The following PARVA variants were observed in gnomAD, a reference collection of about 807,000 sequenced individuals.
PARVA encodes parvin alpha.
PARVA carries 25 observed loss-of-function variants against 52.6 expected under a neutral mutation model. That is an observed-to-expected ratio of 0.48 (90% CI 0.35 to 0.66). The LOEUF is 0.66. Ranked by LOEUF, PARVA falls within the 30% of genes least tolerant of loss-of-function variation. The probability of loss-of-function intolerance (pLI) is 0.01; values close to 1 mark genes in which losing one functional copy is unlikely to be tolerated. For synonymous variants in PARVA, 185 were observed against 179.1 expected, an observed-to-expected ratio of 1.03 and a Z score of -0.26; for missense variants, 373 against 450.9, an observed-to-expected ratio of 0.83 and a Z score of 1.56.
intron 12 of PARVA, among the ~76,000 whole-genome samples, chr11:12,524,745 G>A (rs10831841): frequency 0.32 from 48,084 of 151,926 alleles, 7,685 homozygotes; most frequent in South Asian, 0.41. Flanking sequence ...CTTCCAAGAC[G>A]GTGGGCAACC....
At position 12,531,735 on chromosome 11, in the gene PARVA, G is replaced by A. The variant is rs542130283; in HGVS notation, c.*3810G>A. On this transcript the variant is annotated 3_prime_UTR_variant, in exon 13 of 13. Coordinates refer to ENST00000334956, the MANE Select transcript of PARVA (RefSeq NM_018222.5). The stretch of plus-strand genomic sequence containing the variant: ...TGAAATCTTCACTAATTCCAAGATT[G>A]CGTGTCATTTCCCCCAAAAATTTGC... Among the ~76,000 whole-genome samples, 2 of 151,370 alleles carry A rather than the reference G, an allele frequency of 1.3e-5. No homozygotes were observed. Among genetic ancestry groups the A allele is most frequent in the East Asian group, 3.9e-4 (2 of 5,190 alleles).
chr11:12,387,554 CGTGTGT>C (rs10642760), intron 1 of PARVA, among the ~76,000 whole-genome samples: 4 of 149,224 alleles, frequency 2.7e-5, no homozygotes, highest in Non-Finnish European at 6.0e-5. Context: ...TATTTTTGAG[CGTGTGT>C]GTGTGTGTGT....
At chr11:12,456,986 T>C (rs562509989) in intron 1 of PARVA, among the ~76,000 whole-genome samples, 2 of 152,284 alleles carry the variant, frequency 1.3e-5, no homozygotes, top group South Asian at 4.2e-4. Flanking sequence ...TTTGAAATGG[T>C]TTTTATAGTT....
At chr11:12,459,949 C>T (rs1940754291) in intron 1 of PARVA, among the ~76,000 whole-genome samples, 1 of 152,166 alleles carries the variant, frequency 6.6e-6, no homozygotes, top group African/African-American at 2.4e-5. Flanking sequence ...TTTAATCTGT[C>T]CTTGCAGGGG....
intron 1 of PARVA, among the ~76,000 whole-genome samples, chr11:12,442,449 T>C (rs777311741): frequency 2.6e-5 from 4 of 152,154 alleles, no homozygotes; most frequent in African/African-American, 4.8e-5. Context: ...AGAAAAGGTA[T>C]GTGGAGCCCA....
intron 1 of PARVA, among the ~76,000 whole-genome samples, chr11:12,471,950 A>G (rs1940941328): frequency 1.3e-5 from 2 of 152,354 alleles, no homozygotes; most frequent in South Asian, 4.1e-4. Flanking sequence ...TTGCGTAGCA[A>G]TGCTTGTTAA....
At chr11:12,512,894 C>A (rs1941520371) in intron 8 of PARVA, among the ~76,000 whole-genome samples, 1 of 152,184 alleles carries the variant, frequency 6.6e-6, no homozygotes, top group African/African-American at 2.4e-5. Context: ...TGTCATGGGT[C>A]TCCTGTTTTT....
intron 10 of PARVA, among the ~76,000 whole-genome samples, chr11:12,515,363 CTG>C (rs1425439244): frequency 6.6e-6 from 1 of 152,070 alleles, no homozygotes; most frequent in Non-Finnish European, 1.5e-5. Context: ...TGTGTCTAGA[CTG>C]TGTGAAATGA....
chr11:12,459,856 G>A (rs1282834979), intron 1 of PARVA, among the ~76,000 whole-genome samples: 3 of 152,100 alleles, frequency 2.0e-5, no homozygotes, highest in Non-Finnish European at 4.4e-5. Flanking sequence ...TTATCTTAAA[G>A]AGCATGTTTT....
Position 12,504,464 on chromosome 11 carries a change from T to C in PARVA, c.657+35T>C, listed in dbSNP as rs769856232. The C allele has an allele frequency of 4.3e-5, 59 of 1,365,210 alleles. 1 individual carries two copies. In the East Asian group the frequency reaches 1.4e-3, roughly 31 times the overall value. 84.6% of individuals were successfully genotyped at this position (1,365,210 alleles called of 1,614,324 possible). A position where few individuals can be genotyped will look rare whatever the true frequency, so the allele number is the denominator to read the frequency against. On this transcript the variant is annotated intron_variant, in intron 6 of 12. Transcript: ENST00000334956. The stretch of plus-strand genomic sequence containing the variant: ...GTAACACTACAAACATCTGTGTCTT[T>C]AAAGAGTCGTGGAGGTCGAGTTCCT...
intron 5 of PARVA, among the ~76,000 whole-genome samples, chr11:12,499,842 A>C (rs1941344634): frequency 6.6e-6 from 1 of 152,210 alleles, no homozygotes. Flanking sequence ...TTTAGCAAAA[A>C]TGAGATCAAC....
intron 1 of PARVA, among the ~76,000 whole-genome samples, chr11:12,406,737 C>A (rs997353254): frequency 7.8e-6 from 1 of 127,946 alleles, no homozygotes; most frequent in Non-Finnish European, 1.6e-5. Context: ...GTGGCGCAAT[C>A]TCGGCTCACT....
chr11:12,429,106 AAGTAGCTGGGAC>A lies in PARVA; in HGVS notation c.137-44638_137-44627del, dbSNP rs1468069667. 2.0e-5 allele frequency among the ~76,000 whole-genome samples: 3 copies of A among 152,012 alleles called. No homozygotes were observed. The East Asian group carries it at 5.8e-4, about 29-fold the overall frequency. On this transcript the variant is annotated intron_variant, in intron 1 of 12. Transcript: ENST00000334956. ...GATCCTCCTGCCCCAGCTTCTTCCC[AAGTAGCTGGGAC>A]CACAGGTGCACATCACCATGCCCAG...
intron 1 of PARVA, among the ~76,000 whole-genome samples, chr11:12,410,361 C>T (rs1939976408): frequency 6.6e-6 from 1 of 152,246 alleles, no homozygotes; most frequent in Admixed American, 6.5e-5. Context: ...CCAAGGTCTG[C>T]CTTTCCCCCC....
intron 3 of PARVA, among the ~76,000 whole-genome samples, chr11:12,475,244 CCT>C (rs1326096850): frequency 4.6e-5 from 7 of 152,228 alleles, no homozygotes; most frequent in Non-Finnish European, 7.3e-5. Context: ...GAGTAGAATG[CCT>C]CTCATGCCCC....
At position 12,528,029 on chromosome 11, in the gene PARVA, C is replaced by T. The variant is rs920544607; in HGVS notation, c.*104C>T. 2 of 817,158 alleles carry T rather than the reference C, an allele frequency of 2.4e-6. No individual in the cohort carries two copies. The highest frequency in any genetic ancestry group is 3.4e-5 in the African/African-American group (2 of 59,500). 50.6% of individuals were successfully genotyped at this position (817,158 alleles called of 1,614,324 possible). ...GCTTATTCCTGTCTCTTGCACTGTGCTCTCCCACAAGTCCAGCTGCAACCC... is the reference window on the plus strand; with the variant it reads ...GCTTATTCCTGTCTCTTGCACTGTGTTCTCCCACAAGTCCAGCTGCAACCC... On this transcript the variant is annotated 3_prime_UTR_variant, in exon 13 of 13. Coordinates refer to ENST00000334956, the MANE Select transcript of PARVA (RefSeq NM_018222.5).
chr11:12,474,763 A>AGG (rs1300531839), intron 3 of PARVA, among the ~76,000 whole-genome samples: 1 of 151,420 alleles, frequency 6.6e-6, no homozygotes, highest in Non-Finnish European at 1.5e-5. Flanking sequence ...AAAGTAGCCA[A>AGG]GTGTGGTGGC....
rs1434124526 is a variant in PARVA at position 12,531,502 on chromosome 11, T to C, written c.*3577T>C. ...ATCCATAGTCCAGTGCTAGAACAAA[T>C]GTATACATAATCCACTCCCCACAAA... is the stretch of plus-strand genomic sequence containing the variant. On this transcript the variant is annotated 3_prime_UTR_variant, in exon 13 of 13. Coordinates refer to ENST00000334956, the MANE Select transcript of PARVA (RefSeq NM_018222.5). Among the ~76,000 whole-genome samples the C allele has an allele frequency of 1.3e-5, 2 of 152,026 alleles. No homozygotes were observed. The highest frequency in any genetic ancestry group is 6.6e-5 in the Admixed American group (1 of 15,242).
At chr11:12,493,041 T>C (rs1941251928) in intron 4 of PARVA, among the ~76,000 whole-genome samples, 1 of 152,120 alleles carries the variant, frequency 6.6e-6, no homozygotes, top group Non-Finnish European at 1.5e-5. Flanking sequence ...ATATATATAC[T>C]ATAATCTCAT....
Sources: allele counts gnomAD v4.1 joint callset (sites outside exome capture counted in the v4.1 genomes callset), GRCh38; gene constraint gnomAD v4.1.1; transcripts MANE v1.5; gene names NCBI Gene and HGNC (gene_info 2026-07-23, HGNC 2026-07-21).